The following ABTB3 variants were observed in gnomAD, a reference collection of about 807,000 sequenced individuals.
ABTB3 encodes the protein ankyrin repeat- and BTB/POZ domain-containing protein 3.
At chr12:107,655,601 G>A in the ABTB3 span, among the ~76,000 whole-genome samples, 9 of 152,178 alleles carry the variant, frequency 5.9e-5, no homozygotes, top group South Asian at 8.3e-4. Context: ...AAATACAGGC[G>A]TTTAGATGCT....
the ABTB3 span, among the ~76,000 whole-genome samples, chr12:107,336,442 G>T: frequency 6.9e-6 from 1 of 144,570 alleles, no homozygotes; most frequent in Admixed American, 6.8e-5. Context: ...TATTAGCTGA[G>T]TCACCTTGGG....
chr12:107,350,942 A>G, the ABTB3 span, among the ~76,000 whole-genome samples: 1 of 152,092 alleles, frequency 6.6e-6, no homozygotes, highest in Admixed American at 6.6e-5. Flanking sequence ...ACCTCGAGAA[A>G]CCAACTCCCA....
the ABTB3 span, among the ~76,000 whole-genome samples, chr12:107,365,526 C>T: frequency 6.6e-6 from 1 of 152,296 alleles, no homozygotes; most frequent in African/African-American, 2.4e-5. Context: ...TTCTTCAACT[C>T]TTCCCTGCCT....
At chr12:107,656,605 G>C in the ABTB3 span, among the ~76,000 whole-genome samples, 1 of 152,258 alleles carries the variant, frequency 6.6e-6, no homozygotes, top group Non-Finnish European at 1.5e-5. Context: ...TTAGTAATTA[G>C]TTGTGTGGAG....
At chr12:107,364,721 C>T in the ABTB3 span, among the ~76,000 whole-genome samples, 1 of 152,132 alleles carries the variant, frequency 6.6e-6, no homozygotes, top group African/African-American at 2.4e-5. Context: ...AGCAGCGGGA[C>T]ACCAGGAATA....
chr12:107,482,985 TTTCCTTCCTTCCTTCC>T, the ABTB3 span, among the ~76,000 whole-genome samples: 399 of 21,120 alleles, frequency 0.019, 27 homozygotes, highest in African/African-American at 0.052. Context: ...TCTTTCTTTC[TTTCCTTCCTTCCTTCC>T]TTCCTTCTTT....
the ABTB3 span, among the ~76,000 whole-genome samples, chr12:107,622,482 CT>C: frequency 5.3e-5 from 8 of 150,572 alleles, no homozygotes; most frequent in South Asian, 2.1e-4. Context: ...AAACAAGTAT[CT>C]TTTTTTTTTC....
chr12:107,553,339 A>G, the ABTB3 span, among the ~76,000 whole-genome samples: 1 of 152,204 alleles, frequency 6.6e-6, no homozygotes, highest in Non-Finnish European at 1.5e-5. Context: ...GCAGGAGCAG[A>G]TAGCCTTACC....
the ABTB3 span, among the ~76,000 whole-genome samples, chr12:107,552,060 C>T: frequency 1.3e-5 from 2 of 152,144 alleles, no homozygotes; most frequent in African/African-American, 4.8e-5. Flanking sequence ...CCATAATCTT[C>T]CTTTTCAGAA....
the ABTB3 span, among the ~76,000 whole-genome samples, chr12:107,462,038 G>T: frequency 1.3e-5 from 2 of 152,168 alleles, no homozygotes; most frequent in African/African-American, 4.8e-5. Context: ...CTTCCTGATG[G>T]GTTGTTTTCC....
the ABTB3 span, among the ~76,000 whole-genome samples, chr12:107,568,515 A>G: frequency 2.6e-5 from 4 of 152,260 alleles, no homozygotes; most frequent in South Asian, 8.3e-4. Flanking sequence ...AGCCACTAAC[A>G]CATGTGGCTA....
chr12:107,486,097 A>T, the ABTB3 span, among the ~76,000 whole-genome samples: 1 of 152,140 alleles, frequency 6.6e-6, no homozygotes, highest in African/African-American at 2.4e-5. Context: ...CCAGTGTGAC[A>T]GTGTTGGGAG....
At chr12:107,357,838 G>A in the ABTB3 span, among the ~76,000 whole-genome samples, 1 of 152,246 alleles carries the variant, frequency 6.6e-6, no homozygotes, top group Admixed American at 6.5e-5. Flanking sequence ...CTAATAGGAT[G>A]AGAGATGGTA....
At chr12:107,407,249 C>G in the ABTB3 span, among the ~76,000 whole-genome samples, 3 of 152,228 alleles carry the variant, frequency 2.0e-5, no homozygotes, top group Non-Finnish European at 4.4e-5. Context: ...ATACCTGGCA[C>G]AGTGCTTAGC....
the ABTB3 span, chr12:107,320,075 GGTAA>G: frequency 3.4e-6 from 5 of 1,483,366 alleles, no homozygotes; most frequent in African/African-American, 2.9e-5. Flanking sequence ...GAACGCCAGC[GGTAA>G]GTGTCTGCGC....
At chr12:107,469,288 G>C in the ABTB3 span, among the ~76,000 whole-genome samples, 2 of 152,172 alleles carry the variant, frequency 1.3e-5, no homozygotes, top group African/African-American at 2.4e-5. Context: ...GGAAGGGGTG[G>C]AATTGAGCTT....
At chr12:107,319,800 A>G in the ABTB3 span, 1 of 1,394,940 alleles carries the variant, frequency 7.2e-7, no homozygotes, top group Non-Finnish European at 9.4e-7. Context: ...GCGGATAAAG[A>G]GCGGGAGGCG....
At chr12:107,401,504 C>T in the ABTB3 span, among the ~76,000 whole-genome samples, 32 of 152,176 alleles carry the variant, frequency 2.1e-4, no homozygotes, top group Non-Finnish European at 3.8e-4. Context: ...AGTCACTGCC[C>T]AAGGTTTCAG....
chr12:107,427,133 C>G, the ABTB3 span, among the ~76,000 whole-genome samples: 2 of 152,214 alleles, frequency 1.3e-5, no homozygotes, highest in Non-Finnish European at 2.9e-5. Context: ...GCAGAGCTGG[C>G]TCCTTTTGGA....
Sources: allele counts gnomAD v4.1 joint callset (sites outside exome capture counted in the v4.1 genomes callset), GRCh38; gene constraint gnomAD v4.1.1; transcripts MANE v1.5; gene names NCBI Gene and HGNC (gene_info 2026-07-23, HGNC 2026-07-21).